The following MYG1 variants were observed in gnomAD, a reference collection of about 807,000 sequenced individuals.
The protein encoded by MYG1 is MYG1 exonuclease.
Under a neutral mutation model 43.5 loss-of-function variants are expected in MYG1, and 36 were observed. The observed-to-expected ratio is 0.83, with a 90% CI of 0.63 to 1.09. MYG1 has a LOEUF of 1.09. Among genes scored for constraint, MYG1 ranks in the 50% least tolerant of loss-of-function variants. The pLI is 0.00. For missense variants in MYG1, 529 were observed against 495.1 expected (o/e 1.07, Z -0.65); for synonymous variants, 220 against 202.8 (o/e 1.08, Z -0.72).
intron 2 of MYG1, among the ~76,000 whole-genome samples, chr12:53,301,595 C>T (rs901525309): frequency 6.6e-6 from 1 of 152,188 alleles, no homozygotes; most frequent in Non-Finnish European, 1.5e-5. Flanking sequence ...TGGAACTGCT[C>T]GGCAGAAGGG....
chr12:53,306,080 G>C lies in MYG1; in HGVS notation c.642+20G>C. On this transcript the variant is annotated intron_variant, in intron 4 of 6. Coordinates refer to ENST00000267103, the MANE Select transcript of MYG1 (RefSeq NM_021640.4). ...ACTGAGGTAAGGTGGCCTGGGAGGA[G>C]ACCCGGAGACCTGTAAGAACCTTGG... 1 of 1,610,292 alleles carries C rather than the reference G, an allele frequency of 6.2e-7. No homozygotes were observed. Among genetic ancestry groups the C allele is most frequent in the Non-Finnish European group, 8.5e-7 (1 of 1,177,826 alleles).
rs1565772108 is a variant in MYG1, at chr12:53,299,770, G to C, written c.33G>C (p.Thr11=). ...ACCAATTCCTGCGCGGCCTCTTAAC[G>C]CTGCTGCTGCCGCCGCCACCCCTGT... MGHQFLRGLL[T]LLLPPPPLYT... Residue 11 remains threonine (T), a synonymous_variant, in exon 1 of 7, where the codon ACG becomes ACC. Coordinates refer to ENST00000267103, the MANE Select transcript of MYG1 (RefSeq NM_021640.4). The C allele has an allele frequency of 6.2e-7, 1 of 1,612,256 alleles. No individual in the cohort carries two copies.
chr12:53,306,436 T>C, intron 5 of MYG1, 116 bp downstream of exon 5: 1 of 1,474,336 alleles, frequency 6.8e-7, no homozygotes, highest in South Asian at 1.3e-5. Flanking sequence ...CTCAACCTCT[T>C]AGGCTCAAGC....
chr12:53,302,143 G>C (rs113884875), intron 2 of MYG1, among the ~76,000 whole-genome samples: 1 of 152,036 alleles, frequency 6.6e-6, no homozygotes, highest in African/African-American at 2.4e-5. Flanking sequence ...CACCATGTCC[G>C]GCTAATTTTT....
At chr12:53,305,747 C>T in intron 3 of MYG1, 161 bp from the exon 4 acceptor site, 2 of 824,800 alleles carry the variant, frequency 2.4e-6, no homozygotes, top group South Asian at 4.0e-5. Context: ...GTCTGAGCTT[C>T]AGCGAGCTGC....
chr12:53,306,377 G>C, intron 5 of MYG1, 57 bp downstream of exon 5: 2 of 1,603,340 alleles, frequency 1.2e-6, no homozygotes, highest in East Asian at 4.5e-5. Flanking sequence ...CAATCAACAG[G>C]AACTCCTGCT....
At chr12:53,306,498 C>T (rs1417046649) in intron 5 of MYG1, 178 bp downstream of exon 5, 1 of 1,066,302 alleles carries the variant, frequency 9.4e-7, no homozygotes, top group Non-Finnish European at 1.3e-6. Flanking sequence ...CACACACCAC[C>T]TCACCCAGCT....
At chr12:53,306,124 C>G (rs1944276632) in intron 4 of MYG1, 64 bp downstream of exon 4, 4 of 1,608,398 alleles carry the variant, frequency 2.5e-6, no homozygotes, top group Non-Finnish European at 3.4e-6. Context: ...AAAATGGGAG[C>G]ATTTGCTCCT....
intron 2 of MYG1, among the ~76,000 whole-genome samples, chr12:53,301,536 G>C (rs1024120523): frequency 1.3e-5 from 2 of 152,056 alleles, no homozygotes; most frequent in Non-Finnish European, 1.5e-5. Context: ...GGCTTCACCT[G>C]TTCCTTTCCA....
intron 5 of MYG1, 100 bp from the exon 6 acceptor site, chr12:53,306,580 C>A (rs1235347593): frequency 7.6e-7 from 1 of 1,318,346 alleles, no homozygotes; most frequent in Non-Finnish European, 1.1e-6. Flanking sequence ...CTGGGCTCAA[C>A]TGATCCTCCC....
chr12:53,301,426 A>T (rs1035031419), intron 2 of MYG1, among the ~76,000 whole-genome samples: 3 of 152,110 alleles, frequency 2.0e-5, no homozygotes, highest in Non-Finnish European at 2.9e-5. Context: ...TTTTTTTAGC[A>T]TACATATTAT....
intron 2 of MYG1, among the ~76,000 whole-genome samples, chr12:53,300,589 T>C (rs951162273): frequency 1.1e-4 from 17 of 152,260 alleles, no homozygotes; most frequent in African/African-American, 4.1e-4. Flanking sequence ...CCCTTGCTGC[T>C]GCACCTAACT....
chr12:53,304,997 T>C (rs890989468), intron 3 of MYG1, among the ~76,000 whole-genome samples: 12 of 149,980 alleles, frequency 8.0e-5, no homozygotes, highest in Non-Finnish European at 1.3e-4. Context: ...GCCTCCCAAG[T>C]AGCTGGGACT....
rs1300768082 is a variant in MYG1 at position 53,300,143 on chromosome 12, C to T, written c.217-7C>T. On this transcript the variant is annotated splice_region_variant and splice_polypyrimidine_tract_variant and intron_variant, in intron 1 of 6. Coordinates refer to ENST00000267103, the MANE Select transcript of MYG1 (RefSeq NM_021640.4). ...CGGCAGCCCCTTCACCCCTGTGTAC[C>T]TCGCAGGATGCAGAGATTGTGCGGA... The T allele has an allele frequency of 1.3e-6, 2 of 1,591,056 alleles. No individual in the cohort carries two copies. The highest frequency in any genetic ancestry group is 1.3e-5 in the African/African-American group (1 of 74,536).
rs772316209 is a variant in MYG1 at position 53,299,706 on chromosome 12, C to G, written c.-32C>G. The G allele has an allele frequency of 3.2e-6, 5 of 1,572,420 alleles. No homozygotes were observed. The African/African-American group carries it at 5.4e-5, about 17-fold the overall frequency. On this transcript the variant is annotated 5_prime_UTR_variant, in exon 1 of 7. Coordinates refer to ENST00000267103, the MANE Select transcript of MYG1 (RefSeq NM_021640.4). ...TGCGCTGGCGCTTCCTCTTCCGGGTCGGCGCTCCTGCCTCCCTGCAGGGAG... is the reference window on the plus strand; with the variant it reads ...TGCGCTGGCGCTTCCTCTTCCGGGTGGGCGCTCCTGCCTCCCTGCAGGGAG...
At chr12:53,303,529 T>G (rs1245951558) in intron 3 of MYG1, 1 of 215,808 alleles carries the variant, frequency 4.6e-6, no homozygotes, top group East Asian at 1.3e-4. Context: ...TGCTTATGTG[T>G]GGAAGCAGAT....
Position 53,300,254 on chromosome 12 carries a change from T to A in MYG1, c.321T>A (p.His107Gln). 1 of 1,570,818 alleles carries A rather than the reference T, an allele frequency of 6.4e-7. No homozygotes were observed. The highest frequency in any genetic ancestry group is 8.6e-7 in the Non-Finnish European group (1 of 1,157,806). ...ACCCTCGGAGACACCGATATGACCA[T>A]CACCAGAGGTAGGTTCTCAGATACC... ...EYDPRRHRYD[H>Q]HQRSFTETMS... is the part of the protein sequence containing the mutation. Residue 107 changes from histidine to glutamine, a missense_variant, in exon 2 of 7, where the codon CAT becomes CAA. Transcript: ENST00000267103.
At chr12:53,300,344 T>C in intron 2 of MYG1, 82 bp downstream of exon 2, 1 of 1,062,750 alleles carries the variant, frequency 9.4e-7, no homozygotes, top group Non-Finnish European at 1.3e-6. Context: ...ACTGCCGTAG[T>C]CCGCGTCAGC....
Position 53,306,309 on chromosome 12 carries a change from C to T in MYG1, c.754C>T (p.Gln252Ter). 6.2e-7 allele frequency: 1 copy of T among 1,614,154 alleles called. No individual in the cohort carries two copies. Among genetic ancestry groups the T allele is most frequent in the Middle Eastern group, 1.7e-4 (1 of 6,058 alleles). Residue 252 changes from glutamine to a stop codon, truncating the protein, a stop_gained, in exon 5 of 7, where the codon CAG becomes TAG. Coordinates refer to ENST00000267103, the MANE Select transcript of MYG1 (RefSeq NM_021640.4). LOFTEE classifies it high-confidence loss of function. ...ARALVEEALA[Q>*]RFQVDPSGEI... The stretch of plus-strand genomic sequence containing the variant: ...GGCCTTGGTGGAAGAGGCCCTTGCC[C>T]AGCGATTCCAGGTATAGGCCTTGGA...
Sources: allele counts gnomAD v4.1 joint callset (sites outside exome capture counted in the v4.1 genomes callset), GRCh38; gene constraint gnomAD v4.1.1; transcripts MANE v1.5; gene names NCBI Gene and HGNC (gene_info 2026-07-23, HGNC 2026-07-21).